The following SCEL variants were observed in gnomAD, a reference collection of about 807,000 sequenced individuals.
SCEL encodes the protein sciellin.
Under a neutral mutation model 117.6 loss-of-function variants are expected in SCEL, and 113 were observed. The observed-to-expected ratio is 0.96, with a 90% CI of 0.83 to 1.12. The LOEUF (loss-of-function observed/expected upper bound fraction) is 1.12. Among genes scored for constraint, SCEL ranks in the 50% most tolerant of loss-of-function variants. SCEL has a pLI of 0.00. For missense variants in SCEL, 785 were observed against 810.8 expected (o/e 0.97, Z 0.39); for synonymous variants, 270 against 256.2 (o/e 1.05, Z -0.51).
intron 12 of SCEL, among the ~76,000 whole-genome samples, chr13:77,596,688 G>GCT (rs146157779): frequency 4.8e-5 from 7 of 145,364 alleles, no homozygotes; most frequent in African/African-American, 7.6e-5. Flanking sequence ...GGTGGGGCAA[G>GCT]GTGTGTGTGT....
chr13:77,557,159 C>T (rs574546393), intron 3 of SCEL, among the ~76,000 whole-genome samples: 11 of 152,084 alleles, frequency 7.2e-5, no homozygotes, highest in Non-Finnish European at 1.5e-4. Flanking sequence ...AAAAAATTAC[C>T]GACTTATTTT....
intron 9 of SCEL, among the ~76,000 whole-genome samples, chr13:77,584,182 C>T (rs553250799): frequency 9.2e-5 from 14 of 152,156 alleles, no homozygotes; most frequent in South Asian, 6.2e-4. Context: ...CTCTTCAGAA[C>T]GTTCTGGCCA....
rs2088765190 is a variant in SCEL at position 77,612,875 on chromosome 13, C to T, written c.1338-16C>T. The T allele has an allele frequency of 9.4e-6, 14 of 1,488,908 alleles. No homozygotes were observed. The highest frequency in any genetic ancestry group is 1.3e-5 in the Non-Finnish European group (14 of 1,093,966). The allele number at this position is 1,488,908 out of a possible 1,614,324, so 92.2% of individuals were successfully genotyped here. ...ATTTTAGTTGACTTAGCTATTGAAA[C>T]TTAACATTTTTTTAGGAACCAAGAC... On this transcript the variant is annotated splice_polypyrimidine_tract_variant and intron_variant, in intron 22 of 32. Coordinates refer to ENST00000349847, the MANE Select transcript of SCEL (RefSeq NM_144777.3).
chr13:77,572,226 T>C (rs1355005160), intron 9 of SCEL, 37 bp downstream of exon 9: 3 of 1,466,748 alleles, frequency 2.0e-6, no homozygotes, highest in Admixed American at 1.7e-5. Context: ...GCTGTGCCAT[T>C]AGATGGAAGA....
intron 1 of SCEL, among the ~76,000 whole-genome samples, chr13:77,542,358 C>G (rs900389823): frequency 6.6e-6 from 1 of 152,166 alleles, no homozygotes; most frequent in African/African-American, 2.4e-5. Context: ...CGAGATCACG[C>G]CATTGCACTC....
At chr13:77,576,177 T>A (rs1054513840) in intron 9 of SCEL, among the ~76,000 whole-genome samples, 1 of 152,190 alleles carries the variant, frequency 6.6e-6, no homozygotes, top group Admixed American at 6.5e-5. Flanking sequence ...TCACCATTAG[T>A]TCATGGAAAC....
chr13:77,627,387 C>T (rs560906536), intron 27 of SCEL, among the ~76,000 whole-genome samples: 2 of 152,084 alleles, frequency 1.3e-5, no homozygotes, highest in South Asian at 4.2e-4. Flanking sequence ...GAAAAGAAGT[C>T]GATTAATGGG....
At chr13:77,543,127 A>G (rs1249285415) in intron 1 of SCEL, among the ~76,000 whole-genome samples, 1 of 126,814 alleles carries the variant, frequency 7.9e-6, no homozygotes, top group African/African-American at 3.1e-5. Flanking sequence ...TCTGTTGCCC[A>G]GGCTGGAGTG....
At position 77,599,395 on chromosome 13, in the gene SCEL, G is replaced by T. The variant is rs200306016; in HGVS notation, c.857+7G>T. On this transcript the variant is annotated splice_region_variant and intron_variant, in intron 14 of 32. Transcript: ENST00000349847. ...TAGAAGAAAGAGAGAAAAGGTAAGT[G>T]CATCTGTCTCAAATATGAAAATCTT... 1 of 1,608,212 alleles carries T rather than the reference G, an allele frequency of 6.2e-7. No individual in the cohort carries two copies. The highest frequency in any genetic ancestry group is 1.3e-5 in the African/African-American group (1 of 74,850).
chr13:77,591,674 G>T (rs1030007405), intron 11 of SCEL, among the ~76,000 whole-genome samples: 1 of 152,116 alleles, frequency 6.6e-6, no homozygotes, highest in Non-Finnish European at 1.5e-5. Flanking sequence ...CTACCAAAAT[G>T]GTGTGAACAA....
chr13:77,561,558 T>G (rs1235196843), intron 4 of SCEL, among the ~76,000 whole-genome samples: 1 of 152,200 alleles, frequency 6.6e-6, no homozygotes, highest in Admixed American at 6.5e-5. Flanking sequence ...GCAGAGGATG[T>G]CTTTACCTTG....
At chr13:77,595,773 T>G (rs2087189873) in intron 12 of SCEL, among the ~76,000 whole-genome samples, 1 of 152,154 alleles carries the variant, frequency 6.6e-6, no homozygotes, top group Non-Finnish European at 1.5e-5. Flanking sequence ...TTTTTGTTGT[T>G]GTTAGAGGCA....
intron 11 of SCEL, among the ~76,000 whole-genome samples, 195 bp downstream of exon 11, chr13:77,591,655 T>G (rs1379153585): frequency 6.6e-6 from 1 of 152,138 alleles, no homozygotes; most frequent in Non-Finnish European, 1.5e-5. Flanking sequence ...AAACTTTCCA[T>G]TAAGAAAACT....
chr13:77,563,809 TTG>T lies in SCEL; in HGVS notation c.222-21_222-20del. The T allele has an allele frequency of 6.4e-7, 1 of 1,557,712 alleles. No homozygotes were observed. The highest frequency in any genetic ancestry group is 8.7e-7 in the Non-Finnish European group (1 of 1,154,892). Reference sequence around the variant, plus strand: ...TGTAATTGATTTGATTTTTTTTTTTTTGGTAATTATGTTTGCTACAGGAAAGT... The same window carrying T: ...TGTAATTGATTTGATTTTTTTTTTTTGTAATTATGTTTGCTACAGGAAAGT... On this transcript the variant is annotated intron_variant, in intron 4 of 32. Transcript: ENST00000349847.
intron 19 of SCEL, among the ~76,000 whole-genome samples, chr13:77,605,296 CACACT>C (rs1187556824): frequency 3.3e-5 from 5 of 152,146 alleles, no homozygotes; most frequent in Non-Finnish European, 7.3e-5. Context: ...AGCTGGTGTG[CACACT>C]ATCATGCCTG....
At chr13:77,633,442 C>CAAAAAAAAAAAAAAAAAAAA (rs59939208) in intron 28 of SCEL, among the ~76,000 whole-genome samples, 4 of 30,020 alleles carry the variant, frequency 1.3e-4, no homozygotes, top group African/African-American at 2.9e-4. Flanking sequence ...GACTCCGCCT[C>CAAAAAAAAAAAAAAAAAAAA]AAAAAAAAAA....
intron 27 of SCEL, among the ~76,000 whole-genome samples, chr13:77,624,538 C>G (rs12584930): frequency 6.6e-6 from 1 of 152,174 alleles, no homozygotes; most frequent in African/African-American, 2.4e-5. Flanking sequence ...AGTTCACATT[C>G]TGAGCTATTG....
chr13:77,581,629 T>C (rs1357794138), intron 9 of SCEL, among the ~76,000 whole-genome samples: 1 of 152,192 alleles, frequency 6.6e-6, no homozygotes, highest in Non-Finnish European at 1.5e-5. Flanking sequence ...AGAATCAGGA[T>C]ACCTAGGGTC....
intron 1 of SCEL, among the ~76,000 whole-genome samples, chr13:77,547,478 A>G (rs2084057903): frequency 6.6e-6 from 1 of 152,216 alleles, no homozygotes; most frequent in South Asian, 2.1e-4. Context: ...CTGAGTGCAG[A>G]AGGATTTGCA....
Sources: allele counts gnomAD v4.1 joint callset (sites outside exome capture counted in the v4.1 genomes callset), GRCh38; gene constraint gnomAD v4.1.1; transcripts MANE v1.5; gene names NCBI Gene and HGNC (gene_info 2026-07-23, HGNC 2026-07-21).